NXPE2: variants seen among roughly 807,000 people sequenced by gnomAD.
The protein encoded by NXPE2 is neurexophilin and PC-esterase domain family member 2.
A neutral mutation model predicts 34.4 loss-of-function variants in NXPE2; 34 were observed. The ratio of observed to expected loss-of-function variants is 0.99; its 90% CI spans 0.75 to 1.31. The LOEUF (loss-of-function observed/expected upper bound fraction) is 1.31. NXPE2 is among the 40% of genes most tolerant of loss of function. The pLI is 0.00. For synonymous variants in NXPE2, 235 were observed against 231.3 expected, an observed-to-expected ratio of 1.02 and a Z score of -0.15; for missense variants, 649 against 672.5, an observed-to-expected ratio of 0.97 and a Z score of 0.39.
At chr11:114,573,353 A>G in the NXPE2 span, among the ~76,000 whole-genome samples, 2 of 152,160 alleles carry the variant, frequency 1.3e-5, no homozygotes, top group Admixed American at 6.6e-5. Flanking sequence ...ATAGTATCTT[A>G]TATCTCAATG....
At chr11:114,571,493 C>A in the NXPE2 span, 2 of 1,561,576 alleles carry the variant, frequency 1.3e-6, no homozygotes, top group Non-Finnish European at 1.7e-6. Context: ...AATAGGCAAT[C>A]CCAAAATAAA....
chr11:114,628,390 G>A, the NXPE2 span, among the ~76,000 whole-genome samples: 15 of 152,226 alleles, frequency 9.9e-5, 1 homozygote, highest in South Asian at 2.9e-3. Context: ...TGAACTACAT[G>A]GAAACTGAAC....
chr11:114,709,410 T>A (rs2135579187), downstream of NXPE2, among the ~76,000 whole-genome samples: 1 of 152,354 alleles, frequency 6.6e-6, no homozygotes, highest in East Asian at 1.9e-4. Context: ...TTCTTGTTTA[T>A]TTTTTAAAGA....
upstream of NXPE2, among the ~76,000 whole-genome samples, chr11:114,677,958 C>T (rs978495235): frequency 2.0e-5 from 3 of 152,046 alleles, no homozygotes; most frequent in Admixed American, 1.3e-4. Context: ...GATTCTCTTA[C>T]CTTGTTACAT....
At chr11:114,787,733 C>G in the NXPE2 span, among the ~76,000 whole-genome samples, 20 of 152,072 alleles carry the variant, frequency 1.3e-4, no homozygotes, top group Non-Finnish European at 2.6e-4. Flanking sequence ...ATCTATCCAC[C>G]CCTCTGAATC....
At chr11:114,700,038 C>T (rs1266234523) in intron 3 of NXPE2, among the ~76,000 whole-genome samples, 2 of 152,148 alleles carry the variant, frequency 1.3e-5, no homozygotes, top group African/African-American at 4.8e-5. Flanking sequence ...AGGTGATCCA[C>T]CCACTTCAGC....
chr11:114,505,199 A>G, the NXPE2 span, among the ~76,000 whole-genome samples: 1 of 152,192 alleles, frequency 6.6e-6, no homozygotes, highest in East Asian at 1.9e-4. Context: ...AGGAATGAAC[A>G]AAACCTCTGA....
At chr11:114,479,408 T>C in the NXPE2 span, among the ~76,000 whole-genome samples, 1 of 152,192 alleles carries the variant, frequency 6.6e-6, no homozygotes, top group East Asian at 1.9e-4. Context: ...TCTATGTCAC[T>C]AAGCATTTGA....
the NXPE2 span, among the ~76,000 whole-genome samples, chr11:114,792,800 C>G: frequency 1.3e-5 from 2 of 152,178 alleles, no homozygotes; most frequent in African/African-American, 4.8e-5. Context: ...CTGCTAAACA[C>G]TTTACGTATG....
the NXPE2 span, chr11:114,529,817 C>G: frequency 4.7e-6 from 1 of 213,466 alleles, no homozygotes; most frequent in Non-Finnish European, 9.4e-6. Flanking sequence ...CAGCACTGTG[C>G]GTGGGGGGAA....
the NXPE2 span, among the ~76,000 whole-genome samples, chr11:114,472,909 A>G: frequency 5.3e-5 from 8 of 152,202 alleles, no homozygotes; most frequent in Non-Finnish European, 1.0e-4. Context: ...TTTGTTTTAA[A>G]TGTGTTTCTA....
the NXPE2 span, among the ~76,000 whole-genome samples, chr11:114,636,333 G>A: frequency 0.093 from 14,075 of 151,716 alleles, 816 homozygotes; most frequent in Middle Eastern, 0.2. Context: ...TTTTTATTGC[G>A]TCTATTTGAT....
chr11:114,537,601 A>G, the NXPE2 span, among the ~76,000 whole-genome samples: 1 of 152,346 alleles, frequency 6.6e-6, no homozygotes, highest in Admixed American at 6.5e-5. Flanking sequence ...TACAAAATCA[A>G]TGTGCAAAAA....
the NXPE2 span, chr11:114,522,185 TTAA>T: frequency 1.2e-6 from 2 of 1,613,988 alleles, no homozygotes; most frequent in African/African-American, 2.7e-5. Context: ...GTTTTCTGTC[TTAA>T]TAATCACTTT....
chr11:114,780,733 T>C, the NXPE2 span, among the ~76,000 whole-genome samples: 14 of 152,248 alleles, frequency 9.2e-5, no homozygotes, highest in African/African-American at 3.1e-4. Flanking sequence ...GATAAAAACC[T>C]TATGGAGGTA....
chr11:114,683,396 T>C (rs1159597126), intron 2 of NXPE2, among the ~76,000 whole-genome samples: 2 of 151,204 alleles, frequency 1.3e-5, no homozygotes, highest in Admixed American at 1.3e-4. Flanking sequence ...TATCCTTACC[T>C]AGTATATAGT....
chr11:114,698,880 T>A (rs1486300457), intron 3 of NXPE2, 102 bp downstream of exon 3: 12 of 1,140,154 alleles, frequency 1.1e-5, no homozygotes, highest in African/African-American at 3.1e-5. Context: ...GTCAATTATG[T>A]TGACTAAATT....
At chr11:114,668,593 T>C in the NXPE2 span, among the ~76,000 whole-genome samples, 1 of 151,904 alleles carries the variant, frequency 6.6e-6, no homozygotes, top group Non-Finnish European at 1.5e-5. Context: ...AGCCATAAGG[T>C]ATATAAGGGC....
the NXPE2 span, chr11:114,582,320 A>C: frequency 6.3e-7 from 1 of 1,594,208 alleles, no homozygotes; most frequent in Non-Finnish European, 8.5e-7. Context: ...GTTTGCTAAG[A>C]TAAGAAACTT....
Sources: gnomAD v4.1 joint callset for allele counts (sites outside exome capture counted in the v4.1 genomes callset) on GRCh38, gnomAD v4.1.1 for gene constraint, MANE v1.5 for transcripts, NCBI Gene and HGNC (gene_info 2026-07-23, HGNC 2026-07-21) for gene names.